Variants in CNN3 observed in about 807,000 individuals in gnomAD.
The protein encoded by CNN3 is calponin-3.
A neutral mutation model predicts 39.0 loss-of-function variants in CNN3; 11 were observed. The ratio of observed to expected loss-of-function variants is 0.28; its 90% CI spans 0.18 to 0.47. The LOEUF (loss-of-function observed/expected upper bound fraction) is 0.47, where lower values mean the gene tolerates loss of function less well. Among genes scored for constraint, CNN3 ranks in the 20% least tolerant of loss-of-function variants. The pLI, the probability that CNN3 is intolerant of heterozygous loss-of-function variation, is 0.99. For synonymous variants in CNN3, 101 were observed against 138.3 expected (o/e 0.73, Z 1.89); for missense variants, 266 against 403.4 (o/e 0.66, Z 2.92).
chr1:94,920,632 GTT>G (rs977253054), intron 1 of CNN3, among the ~76,000 whole-genome samples: 3 of 152,070 alleles, frequency 2.0e-5, no homozygotes, highest in African/African-American at 7.3e-5. Flanking sequence ...AGACAGGCAG[GTT>G]AAGTCACTTG....
Position 94,897,176 on chromosome 1 carries a change from G to A in CNN3, c.*566C>T, listed in dbSNP as rs572680265. The A allele has an allele frequency of 1.3e-5, 2 of 152,846 alleles. No homozygotes were observed. Among genetic ancestry groups the A allele is most frequent in the South Asian group, 2.1e-4 (1 of 4,838 alleles). 9.5% of individuals were successfully genotyped at this position (152,846 alleles called of 1,614,324 possible). ...CACTCTGAAAAGATCTTGTTCGCTAGGTAAGAGAATGAGTACACATATAAT... is the reference window on the plus strand; with the variant it reads ...CACTCTGAAAAGATCTTGTTCGCTAAGTAAGAGAATGAGTACACATATAAT... On this transcript the variant is annotated 3_prime_UTR_variant, in exon 7 of 7. Transcript: ENST00000370206.
Position 94,927,069 on chromosome 1 carries a change from G to A in CNN3, c.-175C>T, listed in dbSNP as rs1349734456. 4 of 601,174 alleles carry A rather than the reference G, an allele frequency of 6.7e-6. No individual in the cohort carries two copies. The highest frequency in any genetic ancestry group is 4.0e-5 in the African/African-American group (2 of 50,478). The allele number at this position is 601,174 out of a possible 1,614,324, so 37.2% of individuals were successfully genotyped here. On this transcript the variant is annotated 5_prime_UTR_variant, in exon 1 of 7. Coordinates refer to ENST00000370206, the MANE Select transcript of CNN3 (RefSeq NM_001839.5). ...GGTGCCTGGGCGACTGGGTCCAACT[G>A]GGTGCTACAGAGCCTCGAGCTCCGC...
chr1:94,908,142 T>G (rs935169428), intron 1 of CNN3, among the ~76,000 whole-genome samples: 5 of 152,186 alleles, frequency 3.3e-5, no homozygotes, highest in African/African-American at 1.2e-4. Flanking sequence ...TAGGCACACC[T>G]GCTGGAGACT....
rs762300241 is a variant in CNN3, at chr1:94,902,101, C to T, written c.384+20G>A. The stretch of plus-strand genomic sequence containing the variant: ...ATGTGGTGGGAATCTGTTAACCAGC[C>T]ATTAAAGACATGTACGTACCAGACC... On this transcript the variant is annotated intron_variant, in intron 4 of 6. Transcript: ENST00000370206. 6.3e-7 allele frequency: 1 copy of T among 1,596,524 alleles called. No homozygotes were observed.
intron 1 of CNN3, among the ~76,000 whole-genome samples, chr1:94,923,151 G>T (rs1398996299): frequency 6.6e-6 from 1 of 152,106 alleles, no homozygotes; most frequent in Non-Finnish European, 1.5e-5. Context: ...CAACTTTACG[G>T]GAAACTACCC....
intron 1 of CNN3, among the ~76,000 whole-genome samples, chr1:94,909,365 G>A (rs939772347): frequency 6.6e-6 from 1 of 152,076 alleles, no homozygotes; most frequent in Admixed American, 6.6e-5. Context: ...AGGGATAGGA[G>A]GTAACTAGGA....
Position 94,912,833 on chromosome 1 carries a change from T to C in CNN3, c.58-9309A>G, listed in dbSNP as rs554478160. Among the ~76,000 whole-genome samples the C allele has an allele frequency of 1.1e-3, 160 of 152,334 alleles. 1 individual carries two copies. Among genetic ancestry groups the C allele is most frequent in the African/African-American group, 3.7e-3 (153 of 41,580 alleles). On this transcript the variant is annotated intron_variant, in intron 1 of 6. Transcript: ENST00000370206. ...CTTAGATGGCCCACTAGGGATATAA[T>C]TGCATTACTTTCTCATAAAAGTTCC...
chr1:94,921,146 C>T (rs185681404), intron 1 of CNN3, among the ~76,000 whole-genome samples: 2 of 152,332 alleles, frequency 1.3e-5, no homozygotes, highest in Non-Finnish European at 2.9e-5. Flanking sequence ...GTAATCCCAG[C>T]TCTTTGGGAG....
intron 1 of CNN3, chr1:94,925,648 G>T (rs769805170): frequency 2.6e-5 from 26 of 985,368 alleles, no homozygotes; most frequent in Non-Finnish European, 2.9e-5. Context: ...TACATAATTC[G>T]CTTCACACCG....
chr1:94,903,031 A>AAC, intron 3 of CNN3, 91 bp downstream of exon 3: 1 of 971,190 alleles, frequency 1.0e-6, no homozygotes, highest in Non-Finnish European at 1.5e-6. Context: ...AAAAAAAAAA[A>AAC]ACACAAAACC....
At chr1:94,925,550 A>C in intron 1 of CNN3, 4 of 949,658 alleles carry the variant, frequency 4.2e-6, no homozygotes, top group Non-Finnish European at 5.0e-6. Flanking sequence ...CCTTGCTTCA[A>C]AGACAGTATG....
intron 1 of CNN3, among the ~76,000 whole-genome samples, chr1:94,912,957 G>A (rs1671202387): frequency 6.6e-6 from 1 of 152,214 alleles, no homozygotes; most frequent in African/African-American, 2.4e-5. Context: ...TGTCATGGCA[G>A]AGGAAACTCG....
At chr1:94,907,632 G>A (rs1671038223) in intron 1 of CNN3, among the ~76,000 whole-genome samples, 1 of 152,186 alleles carries the variant, frequency 6.6e-6, no homozygotes, top group Non-Finnish European at 1.5e-5. Context: ...AGGCCAAGGT[G>A]GGCAGATCGT....
intron 1 of CNN3, among the ~76,000 whole-genome samples, chr1:94,914,297 A>G (rs1014462261): frequency 2.0e-5 from 3 of 152,034 alleles, no homozygotes; most frequent in Non-Finnish European, 4.4e-5. Flanking sequence ...CAGAATGTAC[A>G]CTCACTCCTC....
intron 1 of CNN3, among the ~76,000 whole-genome samples, chr1:94,915,785 T>C (rs1671264561): frequency 6.6e-6 from 1 of 152,204 alleles, no homozygotes. Flanking sequence ...GGGCCATCTC[T>C]TCCTATTCCT....
chr1:94,900,719 G>A (rs1670839905), intron 5 of CNN3, among the ~76,000 whole-genome samples: 1 of 152,122 alleles, frequency 6.6e-6, no homozygotes, highest in African/African-American at 2.4e-5. Context: ...CAGCATTTGG[G>A]GAATTAGCAA....
At chr1:94,901,935 G>T in intron 4 of CNN3, 150 bp from the exon 5 acceptor site, 1 of 706,726 alleles carries the variant, frequency 1.4e-6, no homozygotes. Context: ...CATTTGAAAT[G>T]TGAGTGTTCT....
At chr1:94,918,648 C>G (rs532884895) in intron 1 of CNN3, among the ~76,000 whole-genome samples, 1 of 152,088 alleles carries the variant, frequency 6.6e-6, no homozygotes, top group Admixed American at 6.5e-5. Flanking sequence ...AATCCCAACA[C>G]TTTGGGAAGC....
chr1:94,922,028 AAG>A (rs1243958652), intron 1 of CNN3, among the ~76,000 whole-genome samples: 3 of 152,214 alleles, frequency 2.0e-5, no homozygotes, highest in Non-Finnish European at 4.4e-5. Context: ...AAGTCTAAGA[AAG>A]AGCCCAGTCA....
Sources: gnomAD v4.1 joint callset for allele counts (sites outside exome capture counted in the v4.1 genomes callset) on GRCh38, gnomAD v4.1.1 for gene constraint, MANE v1.5 for transcripts, NCBI Gene and HGNC (gene_info 2026-07-23, HGNC 2026-07-21) for gene names.